The following AGXT variants were observed in gnomAD, a reference collection of about 807,000 sequenced individuals.
AGXT encodes the protein alanine--glyoxylate aminotransferase, also known as L-alanine: glyoxylate aminotransferase 1.
AGXT carries 41 observed loss-of-function variants against 46.9 expected under a neutral mutation model. The ratio of observed to expected loss-of-function variants is 0.88; its 90% CI spans 0.68 to 1.14. The LOEUF (loss-of-function observed/expected upper bound fraction) is 1.14, where lower values mean the gene tolerates loss of function less well. AGXT is among the 50% of genes most tolerant of loss of function. AGXT has a pLI of 0.00. For synonymous variants in AGXT, 244 were observed against 227.9 expected (o/e 1.07, Z -0.64); for missense variants, 525 against 522.7 (o/e 1.00, Z -0.04).
In AGXT at chr2:240,873,280, G is replaced by C. The variant is rs11687303; in HGVS notation, c.595+231G>C. The C allele has an allele frequency of 0.16, 88,408 of 555,646 alleles. 8,474 individuals are homozygous for C. Among genetic ancestry groups the C allele is most frequent in the Non-Finnish European group, 0.2 (61,749 of 309,520 alleles). 34.4% of individuals were successfully genotyped at this position (555,646 alleles called of 1,614,324 possible). ...GATCCAGGCGTGGGGACTGGCAGGA[G>C]GGACAGCTTCTGGTGGGGGACATTT... On this transcript the variant is annotated intron_variant, in intron 5 of 10. Coordinates refer to ENST00000307503, the MANE Select transcript of AGXT (RefSeq NM_000030.3).
rs764228128 is a variant in AGXT at position 240,869,122 on chromosome 2, T to A, written c.166-48T>A. The A allele has an allele frequency of 2.6e-6, 4 of 1,563,718 alleles. No individual in the cohort carries two copies. The East Asian group carries it at 9.1e-5, about 35-fold the overall frequency. ...GGGAAGGGGGTCACTGCCTCCTCAC[T>A]TGGGGAGGCGGGGAGCCTGGGTCTC... On this transcript the variant is annotated intron_variant, in intron 1 of 10. Transcript: ENST00000307503.
chr2:240,873,433 C>T (rs933381922), intron 5 of AGXT: 2 of 296,736 alleles, frequency 6.7e-6, no homozygotes, highest in East Asian at 8.4e-5. Flanking sequence ...TGCGCCCTGC[C>T]AGGCTGCCCA....
Position 240,877,556 on chromosome 2 carries a change from G to A in AGXT, c.866G>A (p.Arg289His), listed in dbSNP as rs61729604. 780 of 1,549,970 alleles carry A rather than the reference G, an allele frequency of 5.0e-4. 1 individual carries two copies. Among genetic ancestry groups the A allele is most frequent in the African/African-American group, 3.2e-3 (236 of 73,158 alleles). Residue 289 changes from arginine (R) to histidine (H), a missense_variant, in exon 9 of 11, where the codon CGC (arginine) becomes CAC (histidine). Physicochemically the swap from Arg to His is conservative, Grantham distance 29. Transcript: ENST00000307503. ...ACACAGGGCCTGGAGAACAGCTGGC[G>A]CCAGCACCGCGAGGCCGCGGCGTAT... Reference protein sequence around the residue: ...IAEQGLENSWRQHREAAAYLH... With the variant: ...IAEQGLENSWHQHREAAAYLH...
chr2:240,870,845 A>G, intron 3 of AGXT, 137 bp downstream of exon 3: 4 of 825,724 alleles, frequency 4.8e-6, no homozygotes, highest in South Asian at 1.6e-5. Flanking sequence ...AGCCCATCCT[A>G]GCATCTGGTG....
At chr2:240,876,086 C>A in intron 8 of AGXT, 82 bp downstream of exon 8, 1 of 1,481,414 alleles carries the variant, frequency 6.8e-7, no homozygotes, top group Non-Finnish European at 9.3e-7. Context: ...AGGAACCATC[C>A]CTGGTGCACA....
chr2:240,870,750 G>A (rs2058986764), intron 3 of AGXT, 42 bp downstream of exon 3: 14 of 1,538,662 alleles, frequency 9.1e-6, no homozygotes, highest in Non-Finnish European at 1.2e-5. Flanking sequence ...GAGGAGGTGG[G>A]AGTGGGCATG....
At chr2:240,877,204 G>A (rs1030674898) in intron 8 of AGXT, 3 of 507,672 alleles carry the variant, frequency 5.9e-6, no homozygotes, top group Non-Finnish European at 1.1e-5. Context: ...CCCTGGCCCT[G>A]ATCCACTCCA....
chr2:240,873,263 C>T (rs1310084910), intron 5 of AGXT: 4 of 569,286 alleles, frequency 7.0e-6, no homozygotes, highest in Non-Finnish European at 1.3e-5. Context: ...CAGATCCAGG[C>T]GTGGGGACTG....
intron 4 of AGXT, among the ~76,000 whole-genome samples, chr2:240,872,364 G>A (rs1434431458): frequency 9.7e-5 from 14 of 144,462 alleles, no homozygotes; most frequent in Non-Finnish European, 1.7e-4. Flanking sequence ...TGCAGGCGGA[G>A]GAGGGTGAGA....
At chr2:240,875,392 G>T (rs534222098) in intron 7 of AGXT, among the ~76,000 whole-genome samples, 188 bp downstream of exon 7, 1 of 152,192 alleles carries the variant, frequency 6.6e-6, no homozygotes, top group African/African-American at 2.4e-5. Flanking sequence ...CCCATTCCTC[G>T]ACTGGCCCGA....
chr2:240,871,434 G>A lies in AGXT; in HGVS notation c.509G>A (p.Gly170Glu). ...TGVLQPLDGF[G>E]ELCHRYKCLL... is the part of the protein sequence containing the mutation. ...GTGCTGCAGCCCCTTGATGGCTTCG[G>A]GGAACTCTGCCACAGGTGAGCCTGG... Residue 170 changes from glycine (G) to glutamate (E), a missense_variant, in exon 4 of 11, where the codon GGG becomes GAG. Transcript: ENST00000307503. The A allele has an allele frequency of 6.3e-7, 1 of 1,592,658 alleles. No individual in the cohort carries two copies.
chr2:240,875,002 G>A (rs2059015412), intron 6 of AGXT, 107 bp from the exon 7 acceptor site: 4 of 1,059,036 alleles, frequency 3.8e-6, no homozygotes, highest in East Asian at 2.5e-5. Context: ...GGCCCTCCTG[G>A]GGGCCCCACC....
chr2:240,874,144 GCCAGGCAGGAAGGGCTCC>G, intron 6 of AGXT, 82 bp downstream of exon 6: 3 of 1,417,702 alleles, frequency 2.1e-6, no homozygotes, highest in Non-Finnish European at 3.0e-6. Context: ...AGGGGCGGGA[GCCAGGCAGGAAGGGCTCC>G]CCATGCTCCT....
chr2:240,876,307 G>T (rs1457526014), intron 8 of AGXT, among the ~76,000 whole-genome samples: 1 of 152,172 alleles, frequency 6.6e-6, no homozygotes, highest in African/African-American at 2.4e-5. Flanking sequence ...AGAAGGGGAG[G>T]CCGAAGGGGC....
At chr2:240,875,296 GCCCCCCA>G (rs1251353079) in intron 7 of AGXT, 92 bp downstream of exon 7, 2 of 1,124,438 alleles carry the variant, frequency 1.8e-6, no homozygotes, top group African/African-American at 1.5e-5. Context: ...GATTCTCCAA[GCCCCCCA>G]CCTTCATGCC....
chr2:240,878,459 T>C (rs2106432250), intron 10 of AGXT, among the ~76,000 whole-genome samples: 1 of 152,230 alleles, frequency 6.6e-6, no homozygotes, highest in African/African-American at 2.4e-5. Flanking sequence ...TGTCTCTGAG[T>C]GGCAGTGGGG....
At chr2:240,876,734 G>A (rs1304277742) in intron 8 of AGXT, among the ~76,000 whole-genome samples, 1 of 152,224 alleles carries the variant, frequency 6.6e-6, no homozygotes, top group Non-Finnish European at 1.5e-5. Context: ...CTGGGTTAGT[G>A]CCAGGGTGCC....
chr2:240,874,130 C>T (rs879179547), intron 6 of AGXT, 68 bp downstream of exon 6: 33 of 1,460,360 alleles, frequency 2.3e-5, no homozygotes, highest in South Asian at 3.5e-5. Flanking sequence ...TGGCCCGAGG[C>T]GGGAGGGGCG....
chr2:240,870,520 C>A, intron 2 of AGXT, 124 bp from the exon 3 acceptor site: 3 of 1,154,582 alleles, frequency 2.6e-6, no homozygotes, highest in South Asian at 1.4e-5. Flanking sequence ...AGGCAGGCAG[C>A]CAGGGTGCCA....
Sources: gnomAD v4.1 joint callset for allele counts (sites outside exome capture counted in the v4.1 genomes callset) on GRCh38, gnomAD v4.1.1 for gene constraint, MANE v1.5 for transcripts, NCBI Gene and HGNC (gene_info 2026-07-23, HGNC 2026-07-21) for gene names.